RASSF5: variants seen among roughly 807,000 people sequenced by gnomAD.
The protein encoded by RASSF5 is Ras association domain family member 5.
RASSF5 carries 25 observed loss-of-function variants against 40.5 expected under a neutral mutation model. The observed-to-expected ratio is 0.62, with a 90% CI of 0.45 to 0.86. The LOEUF is 0.86. RASSF5 is among the 40% of genes least tolerant of loss of function. The pLI is 0.00. For synonymous variants in RASSF5, 246 were observed against 252.4 expected (o/e 0.97, Z 0.24); for missense variants, 521 against 572.8 (o/e 0.91, Z 0.92).
chr1:206,507,998 C>T lies in RASSF5; in HGVS notation c.396C>T (p.Gly132=). The change falls in exon 1 of 6, where the codon GGC becomes GGT. Residue 132 remains glycine, a synonymous_variant. Coordinates refer to ENST00000579436, the MANE Select transcript of RASSF5 (RefSeq NM_182663.4). ...GCTTCGCCGAGTTGGTGCTGCCGGG[C>T]GGCCCCGGCTGGTGTGACCTGTGCG... is the stretch of plus-strand genomic sequence containing the variant. The part of the protein sequence containing the change: ...GHCFAELVLP[G]GPGWCDLCGR... 1 of 1,521,012 alleles carries T rather than the reference C, an allele frequency of 6.6e-7. No homozygotes were observed. The highest frequency in any genetic ancestry group is 1.4e-5 in the African/African-American group (1 of 70,546). The allele number at this position is 1,521,012 out of a possible 1,614,324, so 94.2% of individuals were successfully genotyped here. A position where few individuals can be genotyped will look rare whatever the true frequency, so the allele number is the denominator to read the frequency against.
rs41305110 is a variant in RASSF5, at chr1:206,583,062, A to G, written c.580-207A>G. On this transcript the variant is annotated intron_variant, in intron 2 of 5. Coordinates refer to ENST00000579436, the MANE Select transcript of RASSF5 (RefSeq NM_182663.4). ...GGAGACTGAGGCTTAGAGAAATCTG[A>G]GTTACTTCTCCAGGAGGGCTGGCTA... 3.3e-3 allele frequency: 1,673 copies of G among 510,662 alleles called. 3 individuals carry two copies. Among genetic ancestry groups the G allele is most frequent in the Admixed American group, 6.1e-3 (187 of 30,720 alleles). The allele number at this position is 510,662 out of a possible 1,614,324, so 31.6% of individuals were successfully genotyped here.
intron 1 of RASSF5, among the ~76,000 whole-genome samples, chr1:206,527,133 G>C (rs1440095948): frequency 7.9e-5 from 12 of 152,094 alleles, no homozygotes; most frequent in Non-Finnish European, 1.3e-4. Context: ...TTCATTGCAC[G>C]CCCCAGCACC....
chr1:206,525,747 G>T (rs1667081917), intron 1 of RASSF5, among the ~76,000 whole-genome samples: 1 of 152,150 alleles, frequency 6.6e-6, no homozygotes, highest in Non-Finnish European at 1.5e-5. Context: ...CTACCTTGAG[G>T]GCCCCAGAGA....
At chr1:206,529,314 C>T (rs782750895) in intron 1 of RASSF5, 5 of 795,666 alleles carry the variant, frequency 6.3e-6, no homozygotes, top group African/African-American at 3.4e-5. Context: ...ACCTGTCCTT[C>T]GAGCAGGAGT....
Position 206,538,311 on chromosome 1 carries a change from C to T in RASSF5, c.579+18C>T, listed in dbSNP as rs375844507. 3.1e-6 allele frequency: 5 copies of T among 1,612,528 alleles called. No homozygotes were observed. In the African/African-American group the frequency reaches 4.0e-5, roughly 13 times the overall value. Reference sequence around the variant, plus strand: ...TCAGCCAGGTAGGTGCCAAAGCTCTCGTACCAAGCTGGGAACAGCCTCTGC... The same window carrying T: ...TCAGCCAGGTAGGTGCCAAAGCTCTTGTACCAAGCTGGGAACAGCCTCTGC... On this transcript the variant is annotated intron_variant, in intron 2 of 5. Coordinates refer to ENST00000579436, the MANE Select transcript of RASSF5 (RefSeq NM_182663.4).
chr1:206,525,787 C>G (rs1667083157), intron 1 of RASSF5, among the ~76,000 whole-genome samples: 1 of 152,182 alleles, frequency 6.6e-6, no homozygotes, highest in African/African-American at 2.4e-5. Flanking sequence ...GGTGTCTGAG[C>G]AACAACTGAG....
chr1:206,585,583 A>C, intron 5 of RASSF5: 1 of 253,856 alleles, frequency 3.9e-6, no homozygotes. Flanking sequence ...GGACCAAGAA[A>C]CTCCCTGTGC....
At chr1:206,570,351 C>T (rs1226255176) in intron 2 of RASSF5, among the ~76,000 whole-genome samples, 1 of 152,104 alleles carries the variant, frequency 6.6e-6, no homozygotes, top group African/African-American at 2.4e-5. Flanking sequence ...GCCTCGGCCT[C>T]CCTAAGTTCT....
rs182881670 is a variant in RASSF5 at position 206,529,334 on chromosome 1, C to T, written c.458-8838C>T. 3.0e-5 allele frequency: 23 copies of T among 771,200 alleles called. No individual in the cohort carries two copies. The East Asian group carries it at 5.3e-4, about 18-fold the overall frequency. The allele number at this position is 771,200 out of a possible 1,614,324, so 47.8% of individuals were successfully genotyped here. ...TCCTTCGAGCAGGAGTTAACACCAT[C>T]ACCACTTTGGTGGAGAATAAGAAAG... On this transcript the variant is annotated intron_variant, in intron 1 of 5. Transcript: ENST00000579436.
chr1:206,524,700 A>C (rs1553396927), intron 1 of RASSF5, among the ~76,000 whole-genome samples: 1 of 139,358 alleles, frequency 7.2e-6, no homozygotes, highest in African/African-American at 2.7e-5. Flanking sequence ...TATATTATAT[A>C]TTATCTATAT....
intron 1 of RASSF5, among the ~76,000 whole-genome samples, chr1:206,508,962 T>G (rs1481305695): frequency 6.6e-6 from 1 of 152,160 alleles, no homozygotes; most frequent in African/African-American, 2.4e-5. Flanking sequence ...GTGTATGCCT[T>G]TAATAGGTGT....
intron 2 of RASSF5, among the ~76,000 whole-genome samples, chr1:206,539,722 A>T (rs2103524355): frequency 6.6e-6 from 1 of 152,324 alleles, no homozygotes; most frequent in Non-Finnish European, 1.5e-5. Context: ...ACACAGGGAA[A>T]GGAGAGGAGG....
At chr1:206,576,025 C>T (rs1163414620) in intron 2 of RASSF5, among the ~76,000 whole-genome samples, 1 of 152,212 alleles carries the variant, frequency 6.6e-6, no homozygotes, top group African/African-American at 2.4e-5. Context: ...TTATCTGACA[C>T]CTACTTAAAG....
intron 1 of RASSF5, among the ~76,000 whole-genome samples, chr1:206,515,592 G>C (rs1303806604): frequency 6.6e-6 from 1 of 152,116 alleles, no homozygotes; most frequent in Non-Finnish European, 1.5e-5. Flanking sequence ...ACATGGATAG[G>C]GACTGGACAA....
chr1:206,573,520 G>C (rs1373932632), intron 2 of RASSF5, among the ~76,000 whole-genome samples: 1 of 152,194 alleles, frequency 6.6e-6, no homozygotes, highest in African/African-American at 2.4e-5. Flanking sequence ...GAAATCCAAG[G>C]CTCACTACTG....
chr1:206,556,831 AG>A (rs1269089876), intron 2 of RASSF5, among the ~76,000 whole-genome samples: 3 of 150,454 alleles, frequency 2.0e-5, no homozygotes, highest in African/African-American at 4.9e-5. Flanking sequence ...TGGGGGAGGG[AG>A]GGGGTGGGGG....
chr1:206,524,686 T>TA (rs1667051781), intron 1 of RASSF5, among the ~76,000 whole-genome samples: 1 of 76,566 alleles, frequency 1.3e-5, no homozygotes, highest in African/African-American at 5.0e-5. Flanking sequence ...TAATATATAT[T>TA]TAATATATTA....
intron 2 of RASSF5, among the ~76,000 whole-genome samples, chr1:206,561,172 C>T (rs1395849745): frequency 3.9e-5 from 6 of 152,160 alleles, no homozygotes; most frequent in African/African-American, 1.4e-4. Flanking sequence ...TGTCAGAGCA[C>T]CTCGCTTTAT....
At position 206,567,631 on chromosome 1, in the gene RASSF5, C is replaced by T. The variant is rs553694677; in HGVS notation, c.580-15638C>T. 6.6e-5 allele frequency among the ~76,000 whole-genome samples: 10 copies of T among 152,172 alleles called. No individual in the cohort carries two copies. The South Asian group carries it at 1.7e-3, about 25-fold the overall frequency. On this transcript the variant is annotated intron_variant, in intron 2 of 5. Coordinates refer to ENST00000579436, the MANE Select transcript of RASSF5 (RefSeq NM_182663.4). ...CCCTCTGTAAGACGGGAAGACTTGG[C>T]GAACTCTGGGGCTGGGGATGGTAAA...
Sources: allele counts gnomAD v4.1 joint callset (sites outside exome capture counted in the v4.1 genomes callset), GRCh38; gene constraint gnomAD v4.1.1; transcripts MANE v1.5; gene names NCBI Gene and HGNC (gene_info 2026-07-23, HGNC 2026-07-21).